The following MICU2 variants were observed in gnomAD, a reference collection of about 807,000 sequenced individuals.
MICU2 encodes mitochondrial calcium uptake 2.
A neutral mutation model predicts 60.4 loss-of-function variants in MICU2; 64 were observed. That is an observed-to-expected ratio of 1.06 (90% confidence interval 0.87 to 1.31). The LOEUF is 1.31. Among genes scored for constraint, MICU2 ranks in the 50% most tolerant of loss-of-function variants. MICU2 has a pLI of 0.00. For synonymous variants in MICU2, 201 were observed against 175.0 expected (o/e 1.15, Z -1.17); for missense variants, 569 against 531.0 (o/e 1.07, Z -0.70).
chr13:21,517,809 GCGCGCA>G (rs759320858), intron 6 of MICU2, among the ~76,000 whole-genome samples: 34 of 149,958 alleles, frequency 2.3e-4, no homozygotes, highest in Non-Finnish European at 3.8e-4. Flanking sequence ...ACGCGCGCGC[GCGCGCA>G]CACGCGCTAC....
chr13:21,494,228 T>C (rs1385691405), intron 11 of MICU2, among the ~76,000 whole-genome samples: 6 of 152,218 alleles, frequency 3.9e-5, no homozygotes, highest in Non-Finnish European at 8.8e-5. Context: ...GGAAATGGAA[T>C]TGCTTTTCTA....
At chr13:21,597,129 T>C (rs1413742087) in intron 1 of MICU2, among the ~76,000 whole-genome samples, 2 of 152,218 alleles carry the variant, frequency 1.3e-5, no homozygotes, top group Non-Finnish European at 2.9e-5. Context: ...CTATCTTATA[T>C]GTAGTCACAG....
chr13:21,597,631 A>T (rs1038243016), intron 1 of MICU2, among the ~76,000 whole-genome samples: 1 of 152,216 alleles, frequency 6.6e-6, no homozygotes, highest in African/African-American at 2.4e-5. Flanking sequence ...AAACAAGTAT[A>T]TAAAATAATT....
chr13:21,583,148 G>A (rs141861022), intron 1 of MICU2, among the ~76,000 whole-genome samples: 89 of 152,264 alleles, frequency 5.8e-4, no homozygotes, highest in African/African-American at 1.9e-3. Context: ...CTAGCTACTC[G>A]AGAGATTGAG....
At chr13:21,494,716 C>CA (rs1467661428) in intron 11 of MICU2, among the ~76,000 whole-genome samples, 1 of 151,852 alleles carries the variant, frequency 6.6e-6, no homozygotes, top group African/African-American at 2.4e-5. Context: ...TTTGTAGAAA[C>CA]AGAGTCTCAT....
rs1247008580 is a variant in MICU2 at position 21,510,040 on chromosome 13, C to G, written c.725G>C (p.Arg242Thr). ...TTTATAATGAAGTTTTCTTTGTCCT[C>G]TTTTTCCAAAGAAACGCATCTGAAG... is the stretch of plus-strand genomic sequence containing the variant. Reference protein sequence around the residue: ...TTLQMRFFGKRGQRKLHYKEF... With the variant: ...TTLQMRFFGKTGQRKLHYKEF... Residue 242 changes from arginine (R) to threonine (T), a missense_variant, in exon 8 of 12, where the codon AGA (arginine) becomes ACA (threonine). By Grantham distance (71) the Arg-to-Thr change is moderately conservative. Coordinates refer to ENST00000382374, the MANE Select transcript of MICU2 (RefSeq NM_152726.3). 5.2e-6 allele frequency: 8 copies of G among 1,542,246 alleles called. No individual in the cohort carries two copies. The highest frequency in any genetic ancestry group is 7.0e-6 in the Non-Finnish European group (8 of 1,150,920).
At chr13:21,590,596 G>C (rs1888557544) in intron 1 of MICU2, among the ~76,000 whole-genome samples, 1 of 152,210 alleles carries the variant, frequency 6.6e-6, no homozygotes, top group South Asian at 2.1e-4. Context: ...ATAAGAATTG[G>C]TCGGGCGTGG....
Position 21,597,930 on chromosome 13 carries a change from C to CAAA in MICU2, c.210+6006_210+6008dup, listed in dbSNP as rs11428461. ...TGGGCAACAGAGTGAGACTCTGTCT[C>CAAA]AAAAAAAAAAAAAAAAAAAGAATTT... On this transcript the variant is annotated intron_variant, in intron 1 of 11. Coordinates refer to ENST00000382374, the MANE Select transcript of MICU2 (RefSeq NM_152726.3). 1.8e-3 allele frequency among the ~76,000 whole-genome samples: 152 copies of CAAA among 84,558 alleles called. 4 individuals are homozygous for CAAA. The highest frequency in any genetic ancestry group is 6.2e-3 in the African/African-American group (135 of 21,724). The allele number at this position is 84,558 out of a possible 152,430, so 55.5% of individuals were successfully genotyped here. A position where few individuals can be genotyped will look rare whatever the true frequency, so the allele number is the denominator to read the frequency against.
rs1039763958 is a variant in MICU2, at chr13:21,551,641, C to T, written c.359-11953G>A. 2.4e-3 allele frequency among the ~76,000 whole-genome samples: 333 copies of T among 140,992 alleles called. 1 individual carries two copies. Among genetic ancestry groups the T allele is most frequent in the African/African-American group, 8.2e-3 (309 of 37,818 alleles). The allele number at this position is 140,992 out of a possible 152,430, so 92.5% of individuals were successfully genotyped here. A position where few individuals can be genotyped will look rare whatever the true frequency, so the allele number is the denominator to read the frequency against. On this transcript the variant is annotated intron_variant, in intron 2 of 11. Transcript: ENST00000382374. ...TGTGATGTTCCCCTTCCTGTGTCCACGTGTTCTCACTGTTCAATTCCCACC... is the reference window on the plus strand; with the variant it reads ...TGTGATGTTCCCCTTCCTGTGTCCATGTGTTCTCACTGTTCAATTCCCACC...
At chr13:21,574,545 T>A (rs1228353103) in intron 1 of MICU2, among the ~76,000 whole-genome samples, 2 of 152,230 alleles carry the variant, frequency 1.3e-5, no homozygotes, top group Non-Finnish European at 2.9e-5. Context: ...CCACTCTGTC[T>A]CTACTTTTTA....
At chr13:21,546,805 A>T (rs1887429985) in intron 2 of MICU2, among the ~76,000 whole-genome samples, 1 of 152,174 alleles carries the variant, frequency 6.6e-6, no homozygotes, top group Non-Finnish European at 1.5e-5. Flanking sequence ...TTGCTAATTT[A>T]AAAAAATACA....
At chr13:21,553,543 T>C (rs1486565768) in intron 2 of MICU2, among the ~76,000 whole-genome samples, 7 of 151,912 alleles carry the variant, frequency 4.6e-5, no homozygotes, top group Admixed American at 4.6e-4. Flanking sequence ...GCACTAAACA[T>C]GGAAAGGAAC....
intron 11 of MICU2, among the ~76,000 whole-genome samples, chr13:21,493,577 C>G (rs1885916189): frequency 6.6e-6 from 1 of 152,148 alleles, no homozygotes; most frequent in African/African-American, 2.4e-5. Flanking sequence ...CCAGACTGAG[C>G]ACACATTAAT....
intron 9 of MICU2, among the ~76,000 whole-genome samples, chr13:21,500,779 A>C (rs760185264): frequency 6.6e-6 from 1 of 152,162 alleles, no homozygotes; most frequent in African/African-American, 2.4e-5. Flanking sequence ...TTACATATCA[A>C]TATCTCCCCC....
chr13:21,594,063 G>A (rs895189585), intron 1 of MICU2, among the ~76,000 whole-genome samples: 1 of 152,170 alleles, frequency 6.6e-6, no homozygotes, highest in African/African-American at 2.4e-5. Context: ...CTTCTGCACA[G>A]CAAAGGAAAC....
chr13:21,544,532 A>AAAAAAAAAAAAAAAAAC (rs560934524), intron 2 of MICU2, among the ~76,000 whole-genome samples: 1 of 132,508 alleles, frequency 7.5e-6, no homozygotes, highest in Non-Finnish European at 1.6e-5. Context: ...AAAAAAAAAA[A>AAAAAAAAAAAAAAAAAC]AACTCAATAC....
chr13:21,593,190 C>T (rs1888620344), intron 1 of MICU2, among the ~76,000 whole-genome samples: 1 of 151,984 alleles, frequency 6.6e-6, no homozygotes, highest in South Asian at 2.1e-4. Flanking sequence ...AATCAATGTG[C>T]AAAAATCACA....
At chr13:21,577,032 A>G (rs1384129199) in intron 1 of MICU2, among the ~76,000 whole-genome samples, 1 of 152,230 alleles carries the variant, frequency 6.6e-6, no homozygotes, top group Non-Finnish European at 1.5e-5. Flanking sequence ...AAAAAATTAT[A>G]CTTCTTTTAA....
intron 10 of MICU2, 88 bp from the exon 11 acceptor site, chr13:21,495,406 G>A: frequency 1.6e-6 from 2 of 1,284,524 alleles, no homozygotes; most frequent in Non-Finnish European, 2.0e-6. Context: ...AGAAGTAAAA[G>A]CAAATCCAAA....
Sources: gnomAD v4.1 joint callset for allele counts (sites outside exome capture counted in the v4.1 genomes callset) on GRCh38, gnomAD v4.1.1 for gene constraint, MANE v1.5 for transcripts, NCBI Gene and HGNC (gene_info 2026-07-23, HGNC 2026-07-21) for gene names.